DSCAM: variants seen among roughly 807,000 people sequenced by gnomAD.
DSCAM encodes cell adhesion molecule DSCAM.
DSCAM carries 47 observed loss-of-function variants against 217.7 expected under a neutral mutation model. That is an observed-to-expected ratio of 0.22 (90% CI 0.17 to 0.28). DSCAM has a LOEUF of 0.28. DSCAM is among the 10% of genes least tolerant of loss of function. The pLI is 1.00. For synonymous variants in DSCAM, 1,056 were observed against 1,015.3 expected, an observed-to-expected ratio of 1.04 and a Z score of -0.76; for missense variants, 2,080 against 2,618.3, an observed-to-expected ratio of 0.79 and a Z score of 4.49.
At chr21:40,590,268 T>A (rs751895188) in intron 3 of DSCAM, among the ~76,000 whole-genome samples, 2 of 152,244 alleles carry the variant, frequency 1.3e-5, no homozygotes, top group Non-Finnish European at 2.9e-5. Flanking sequence ...GGCACTTTGA[T>A]AAATGCAAGA....
intron 3 of DSCAM, among the ~76,000 whole-genome samples, chr21:40,667,947 T>C (rs929448299): frequency 2.6e-5 from 4 of 152,232 alleles, no homozygotes. Context: ...TTTTCAATTA[T>C]CTTATCTATC....
chr21:40,037,825 A>G (rs2146464057), intron 32 of DSCAM, among the ~76,000 whole-genome samples: 1 of 141,182 alleles, frequency 7.1e-6, no homozygotes, highest in South Asian at 2.3e-4. Context: ...ACAGATATAG[A>G]ACAATGGAAC....
At chr21:40,192,495 T>C (rs2090962323) in intron 11 of DSCAM, among the ~76,000 whole-genome samples, 1 of 152,316 alleles carries the variant, frequency 6.6e-6, no homozygotes, top group East Asian at 1.9e-4. Flanking sequence ...TTGCTTCCCC[T>C]TTCACCATGA....
At chr21:40,098,421 C>G (rs116038413) in intron 20 of DSCAM, among the ~76,000 whole-genome samples, 1 of 152,198 alleles carries the variant, frequency 6.6e-6, no homozygotes, top group African/African-American at 2.4e-5. Flanking sequence ...GATCAGGAAA[C>G]TGAGGTTCAG....
Position 40,505,775 on chromosome 21 carries a change from C to G in DSCAM, c.509-136530G>C, listed in dbSNP as rs1287648042. Among the ~76,000 whole-genome samples the G allele has an allele frequency of 3.9e-5, 6 of 152,176 alleles. No homozygotes were observed. The East Asian group carries it at 9.6e-4, about 24-fold the overall frequency. ...ACGTAAAATCACTCGAGGAGTTACT[C>G]TATGATTGTGATATGCAGTGCTTCT... is the stretch of plus-strand genomic sequence containing the variant. On this transcript the variant is annotated intron_variant, in intron 3 of 32. Transcript: ENST00000400454.
chr21:40,457,533 C>CAAAA (rs533630766), intron 3 of DSCAM, among the ~76,000 whole-genome samples: 1 of 147,514 alleles, frequency 6.8e-6, no homozygotes, highest in African/African-American at 2.5e-5. Flanking sequence ...TAAAATAAAA[C>CAAAA]AAACAAACAA....
At chr21:40,019,079 T>C (rs2088217063) in intron 32 of DSCAM, among the ~76,000 whole-genome samples, 1 of 152,272 alleles carries the variant, frequency 6.6e-6, no homozygotes. Flanking sequence ...GCTCTGTTAT[T>C]ACAGGCACTT....
chr21:40,013,507 G>A (rs1399003482), intron 32 of DSCAM, 121 bp from the exon 33 acceptor site: 1 of 673,460 alleles, frequency 1.5e-6, no homozygotes, highest in East Asian at 3.2e-5. Flanking sequence ...GCACACAGGT[G>A]CCTTTCTCAA....
intron 8 of DSCAM, among the ~76,000 whole-genome samples, chr21:40,320,386 T>C (rs995255061): frequency 6.6e-6 from 1 of 152,238 alleles, no homozygotes; most frequent in Admixed American, 6.5e-5. Context: ...GATTCTAATA[T>C]GGCCATTGCA....
chr21:40,133,712 G>C (rs2090178027), intron 19 of DSCAM, 142 bp downstream of exon 19: 1 of 915,236 alleles, frequency 1.1e-6, no homozygotes, highest in Non-Finnish European at 1.6e-6. Flanking sequence ...TTAATGGTCT[G>C]AATTGCACTG....
chr21:40,696,139 G>C (rs1300227555), intron 2 of DSCAM, among the ~76,000 whole-genome samples: 2 of 152,098 alleles, frequency 1.3e-5, no homozygotes. Flanking sequence ...ATAAGACAGA[G>C]TATTATCTAA....
At chr21:40,298,047 T>G (rs150927453) in intron 9 of DSCAM, among the ~76,000 whole-genome samples, 1 of 151,990 alleles carries the variant, frequency 6.6e-6, no homozygotes, top group East Asian at 1.9e-4. Context: ...GTAAGAGTGT[T>G]GATTAATTTA....
chr21:40,319,647 C>T (rs900485562), intron 8 of DSCAM, among the ~76,000 whole-genome samples: 1 of 152,084 alleles, frequency 6.6e-6, no homozygotes, highest in Admixed American at 6.5e-5. Context: ...TAGGAAACTT[C>T]CTATTGTTTC....
chr21:40,184,112 G>A (rs1221420433), intron 14 of DSCAM, among the ~76,000 whole-genome samples: 1 of 152,144 alleles, frequency 6.6e-6, no homozygotes, highest in Non-Finnish European at 1.5e-5. Flanking sequence ...AATAGTGAAG[G>A]GGAATAGGTA....
intron 8 of DSCAM, among the ~76,000 whole-genome samples, chr21:40,330,419 T>C (rs1360655870): frequency 2.7e-5 from 4 of 147,790 alleles, no homozygotes; most frequent in African/African-American, 9.8e-5. Context: ...TATATATATA[T>C]AGCATTCTTT....
At chr21:40,281,480 C>T (rs977928887) in intron 10 of DSCAM, among the ~76,000 whole-genome samples, 7 of 152,180 alleles carry the variant, frequency 4.6e-5, no homozygotes, top group East Asian at 3.9e-4. Context: ...ATATATATAG[C>T]GGTAGGCAAT....
In DSCAM at chr21:40,809,516, G is replaced by A. The variant is rs191672466; in HGVS notation, c.43+37103C>T. Reference sequence around the variant, plus strand: ...TGAATCCTACGTTATGTAAATTATCGCTCAATAAAGATGTTAAACATATAA... The same window carrying A: ...TGAATCCTACGTTATGTAAATTATCACTCAATAAAGATGTTAAACATATAA... On this transcript the variant is annotated intron_variant, in intron 1 of 32. Coordinates refer to ENST00000400454, the MANE Select transcript of DSCAM (RefSeq NM_001389.5). 5.8e-3 allele frequency among the ~76,000 whole-genome samples: 877 copies of A among 152,202 alleles called. 44 individuals carry two copies. The highest frequency in any genetic ancestry group is 1.2e-3 in the Non-Finnish European group (85 of 68,022).
At chr21:40,759,591 G>C (rs760175) in intron 1 of DSCAM, among the ~76,000 whole-genome samples, 56,393 of 151,942 alleles carry the variant, frequency 0.37, 11,276 homozygotes, top group African/African-American at 0.53. Context: ...ACATCAATAC[G>C]GCGGGGAGTG....
intron 3 of DSCAM, among the ~76,000 whole-genome samples, chr21:40,689,902 T>C (rs1309762727): frequency 6.6e-6 from 1 of 152,198 alleles, no homozygotes; most frequent in Non-Finnish European, 1.5e-5. Context: ...TCCTGGGACT[T>C]CTGTGCTATG....
Sources: allele counts gnomAD v4.1 joint callset (sites outside exome capture counted in the v4.1 genomes callset), GRCh38; gene constraint gnomAD v4.1.1; transcripts MANE v1.5; gene names NCBI Gene and HGNC (gene_info 2026-07-23, HGNC 2026-07-21).